Variants in NOL4 observed in about 807,000 individuals in gnomAD.
The protein encoded by NOL4 is cancer/testis antigen 125.
Under a neutral mutation model 75.9 loss-of-function variants are expected in NOL4, and 17 were observed. The ratio of observed to expected loss-of-function variants is 0.22; its 90% CI spans 0.15 to 0.34. The LOEUF is 0.34. NOL4 is among the 10% of genes least tolerant of loss of function. NOL4 has a pLI of 1.00. For missense variants in NOL4, 614 were observed against 793.5 expected, an observed-to-expected ratio of 0.77 and a Z score of 2.72; for synonymous variants, 292 against 289.9, an observed-to-expected ratio of 1.01 and a Z score of -0.07.
At chr18:34,189,553 T>C (rs1568433584) in intron 1 of NOL4, among the ~76,000 whole-genome samples, 1 of 152,158 alleles carries the variant, frequency 6.6e-6, no homozygotes, top group African/African-American at 2.4e-5. Context: ...AATGTATTAG[T>C]GAGCAAAATC....
intron 5 of NOL4, among the ~76,000 whole-genome samples, chr18:34,070,012 A>G (rs1179054886): frequency 6.6e-6 from 1 of 152,116 alleles, no homozygotes; most frequent in Non-Finnish European, 1.5e-5. Flanking sequence ...ATTAGAGCAT[A>G]CCTGTAGCCT....
intron 5 of NOL4, among the ~76,000 whole-genome samples, 192 bp from the exon 6 acceptor site, chr18:34,019,793 T>C (rs1320589994): frequency 1.3e-5 from 2 of 150,914 alleles, no homozygotes; most frequent in Non-Finnish European, 2.9e-5. Flanking sequence ...GGTTTGAATG[T>C]TTTGTCCTCA....
At chr18:34,192,557 C>T (rs562003437) in intron 1 of NOL4, among the ~76,000 whole-genome samples, 7 of 152,130 alleles carry the variant, frequency 4.6e-5, no homozygotes, top group African/African-American at 1.2e-4. Flanking sequence ...AGTAAATTCA[C>T]ACATTTAAAG....
intron 9 of NOL4, among the ~76,000 whole-genome samples, chr18:33,916,446 G>C (rs2066726247): frequency 6.6e-6 from 1 of 152,106 alleles, no homozygotes; most frequent in South Asian, 2.1e-4. Context: ...CTCTGTCAAA[G>C]TCATCTGGGA....
intron 1 of NOL4, chr18:34,222,365 C>A: frequency 8.2e-7 from 1 of 1,223,440 alleles, no homozygotes; most frequent in Non-Finnish European, 1.0e-6. Flanking sequence ...GAGGAGGAAT[C>A]TCCAGGACCT....
At chr18:33,926,304 G>A (rs987810359) in intron 9 of NOL4, among the ~76,000 whole-genome samples, 18 of 134,962 alleles carry the variant, frequency 1.3e-4, no homozygotes, top group African/African-American at 4.7e-4. Flanking sequence ...AGGTTGTAGT[G>A]AGCCGAGATC....
At chr18:33,862,884 C>A (rs937091505) in intron 10 of NOL4, among the ~76,000 whole-genome samples, 4 of 152,284 alleles carry the variant, frequency 2.6e-5, no homozygotes, top group South Asian at 2.1e-4. Flanking sequence ...GGATCTAGAA[C>A]TAGAAATACC....
rs144720040 is a variant in NOL4, at chr18:33,884,102, A to T, written c.1543-678T>A. On this transcript the variant is annotated intron_variant, in intron 9 of 10. Coordinates refer to ENST00000261592, the MANE Select transcript of NOL4 (RefSeq NM_003787.5). The stretch of plus-strand genomic sequence containing the variant: ...GGAAAATGTTGGAAGGGTAATTTTT[A>T]TGTTAGAATTGCTTAAAATAACTTG... Among the ~76,000 whole-genome samples the T allele has an allele frequency of 2.6e-3, 395 of 152,248 alleles. 1 individual carries two copies. The highest frequency in any genetic ancestry group is 4.2e-3 in the Non-Finnish European group (285 of 68,014).
intron 1 of NOL4, among the ~76,000 whole-genome samples, chr18:34,177,519 A>G: frequency 6.6e-6 from 1 of 151,980 alleles, no homozygotes; most frequent in East Asian, 1.9e-4. Flanking sequence ...AAACTGAGAC[A>G]GGCTGAGTGT....
chr18:33,878,753 A>T (rs1294967447), intron 10 of NOL4, among the ~76,000 whole-genome samples: 1 of 152,102 alleles, frequency 6.6e-6, no homozygotes, highest in Admixed American at 6.6e-5. Context: ...TTTTTAAAAA[A>T]CAAAAAAATA....
chr18:34,195,532 A>G (rs1429077510), intron 1 of NOL4, among the ~76,000 whole-genome samples: 1 of 151,792 alleles, frequency 6.6e-6, no homozygotes. Flanking sequence ...CAGTTTGTTT[A>G]TATTTTATGT....
At chr18:33,908,852 A>G (rs1328910959) in intron 9 of NOL4, among the ~76,000 whole-genome samples, 1 of 152,138 alleles carries the variant, frequency 6.6e-6, no homozygotes, top group Non-Finnish European at 1.5e-5. Flanking sequence ...TATATGGTGT[A>G]TACATGAGGA....
intron 8 of NOL4, among the ~76,000 whole-genome samples, chr18:33,955,511 T>C (rs1330732589): frequency 6.6e-6 from 1 of 152,062 alleles, no homozygotes; most frequent in Non-Finnish European, 1.5e-5. Context: ...CATTAAAATT[T>C]ATCAAATCCA....
chr18:33,896,485 T>C (rs76849487), intron 9 of NOL4, among the ~76,000 whole-genome samples: 2,909 of 152,176 alleles, frequency 0.019, 41 homozygotes, highest in Middle Eastern at 0.051. Context: ...AGCACATCTA[T>C]GACCATCTGA....
At chr18:33,872,485 A>G (rs1371330414) in intron 10 of NOL4, among the ~76,000 whole-genome samples, 7 of 152,046 alleles carry the variant, frequency 4.6e-5, no homozygotes, top group Admixed American at 2.6e-4. Context: ...AGTGAATGAT[A>G]TATGATAAAT....
intron 6 of NOL4, among the ~76,000 whole-genome samples, chr18:33,991,338 T>C (rs2072901010): frequency 6.6e-6 from 1 of 152,082 alleles, no homozygotes; most frequent in Non-Finnish European, 1.5e-5. Context: ...TAAGTGAATG[T>C]ATATTTTTAT....
At chr18:33,886,219 G>A (rs909040048) in intron 9 of NOL4, among the ~76,000 whole-genome samples, 4 of 151,768 alleles carry the variant, frequency 2.6e-5, no homozygotes, top group Admixed American at 6.6e-5. Flanking sequence ...TGGTTAATGG[G>A]TAAAAACAAA....
At chr18:34,194,029 A>C (rs985387793) in intron 1 of NOL4, among the ~76,000 whole-genome samples, 5 of 152,166 alleles carry the variant, frequency 3.3e-5, no homozygotes, top group Non-Finnish European at 7.3e-5. Flanking sequence ...AAACTTGAAT[A>C]AACAGAAGAA....
intron 6 of NOL4, among the ~76,000 whole-genome samples, chr18:33,981,622 T>TA (rs1319578124): frequency 6.6e-6 from 1 of 152,002 alleles, no homozygotes; most frequent in Non-Finnish European, 1.5e-5. Flanking sequence ...TTTCTGAGAC[T>TA]AAAAAACAGA....
Sources: allele counts gnomAD v4.1 joint callset (sites outside exome capture counted in the v4.1 genomes callset), GRCh38; gene constraint gnomAD v4.1.1; transcripts MANE v1.5; gene names NCBI Gene and HGNC (gene_info 2026-07-23, HGNC 2026-07-21).